Variants in ATRX observed in about 807,000 individuals in gnomAD.
The protein encoded by ATRX is ATRX chromatin remodeler.
Under a neutral mutation model 172.6 loss-of-function variants are expected in ATRX, and 12 were observed. The observed-to-expected ratio is 0.07, with a 90% CI of 0.04 to 0.11. The LOEUF is 0.11. Ranked by LOEUF, ATRX falls within the 10% of genes least tolerant of loss-of-function variation. The pLI, the probability that ATRX is intolerant of heterozygous loss-of-function variation, is 1.00. For synonymous variants in ATRX, 674 were observed against 594.7 expected (o/e 1.13, Z -1.94); for missense variants, 1,368 against 1,767.4 (o/e 0.77, Z 4.05).
chrX:77,684,651 T>C, intron 8 of ATRX, 58 bp from the exon 9 acceptor site: 2 of 1,093,626 alleles, frequency 1.8e-6, no homozygotes, highest in African/African-American at 1.8e-5. Flanking sequence ...TGAAAAGATA[T>C]GTAAAAAAAT....
chrX:77,578,047 G>A (rs781913455), intron 27 of ATRX, among the ~76,000 whole-genome samples: 2 of 111,630 alleles, frequency 1.8e-5, no homozygotes, highest in South Asian at 3.8e-4. Context: ...GGGAAGGAGA[G>A]TGCAGTGATC....
chrX:77,526,188 G>A (rs1206161025), intron 30 of ATRX, among the ~76,000 whole-genome samples: 2 of 111,599 alleles, frequency 1.8e-5, no homozygotes, highest in Non-Finnish European at 3.8e-5. Flanking sequence ...CACAAAGAAT[G>A]TCTGTTTTAT....
intron 27 of ATRX, among the ~76,000 whole-genome samples, chrX:77,583,215 A>G (rs2065889170): frequency 9.0e-6 from 1 of 111,720 alleles, no homozygotes; most frequent in Admixed American, 9.5e-5. Context: ...TCATATCAAC[A>G]GCATGAAAGA....
intron 27 of ATRX, among the ~76,000 whole-genome samples, chrX:77,582,006 A>C (rs1557074232): frequency 8.9e-6 from 1 of 112,323 alleles, no homozygotes; most frequent in African/African-American, 3.2e-5. Context: ...ATACCAAAAA[A>C]CATAAGACAC....
At chrX:77,779,845 G>A (rs1272225894) in intron 1 of ATRX, among the ~76,000 whole-genome samples, 5 of 112,012 alleles carry the variant, frequency 4.5e-5, no homozygotes, top group African/African-American at 1.6e-4. Flanking sequence ...GTTAACAAGA[G>A]TGCTGGACTA....
intron 15 of ATRX, among the ~76,000 whole-genome samples, chrX:77,644,347 G>A (rs142037698): frequency 0.016 from 1,760 of 112,133 alleles, 29 homozygotes; most frequent in African/African-American, 0.054. Context: ...ATAATGTGGG[G>A]GAGTCTTAAA....
In ATRX at chrX:77,717,163, G is replaced by C; in HGVS notation, c.101C>G (p.Ser34Cys). Residue 34 changes from serine (S) to cysteine (C), a missense_variant, in exon 2 of 35, where the codon TCT (serine) becomes TGT (cysteine). Ser to Cys is a moderately radical substitution (Grantham distance 112, BLOSUM62 -1). Around this residue, in one of 17 missense-constraint regions of ATRX, gnomAD observed 84 missense variants for 82.8 expected, o/e 1.01. Transcript: ENST00000373344. ...HSSEESEETS[S>C]PPRLAMNQNT... ...TTGATTCATTGCAAGTCGTGGAGGAGAACTTGTTTCTTCAGATTCTTCTGA... is the reference window on the plus strand; with the variant it reads ...TTGATTCATTGCAAGTCGTGGAGGACAACTTGTTTCTTCAGATTCTTCTGA... 8.3e-7 allele frequency: 1 copy of C among 1,209,898 alleles called. No homozygotes were observed.
intron 1 of ATRX, among the ~76,000 whole-genome samples, chrX:77,718,241 T>C (rs910153047): frequency 2.7e-5 from 3 of 109,382 alleles, no homozygotes; most frequent in African/African-American, 6.6e-5. Context: ...TATTATTCCA[T>C]CCTCTGCTTG....
At chrX:77,621,110 G>A (rs1422308962) in intron 19 of ATRX, among the ~76,000 whole-genome samples, 3 of 111,235 alleles carry the variant, frequency 2.7e-5, no homozygotes, top group African/African-American at 3.3e-5. Flanking sequence ...GGAGGGTAGG[G>A]AGAACAGCTT....
chrX:77,623,112 A>T (rs182289947), intron 19 of ATRX, among the ~76,000 whole-genome samples: 1 of 111,767 alleles, frequency 8.9e-6, no homozygotes, highest in African/African-American at 3.2e-5. Context: ...AGATAAATGA[A>T]ACAATAAGCT....
rs894428952 is a variant in ATRX, at chrX:77,729,887, A to C, written c.21-12644T>G. Among the ~76,000 whole-genome samples, 5 of 111,934 alleles carry C rather than the reference A, an allele frequency of 4.5e-5. No individual in the cohort carries two copies. The East Asian group carries it at 1.4e-3, about 31-fold the overall frequency. Reference sequence around the variant, plus strand: ...GGGAGGCAGAGGCTGCAGTGAGCCAAGATCACGTCACCGCACTCCAGCCTG... The same window carrying C: ...GGGAGGCAGAGGCTGCAGTGAGCCACGATCACGTCACCGCACTCCAGCCTG... On this transcript the variant is annotated intron_variant, in intron 1 of 34. Transcript: ENST00000373344.
chrX:77,553,319 T>C (rs781887435), intron 30 of ATRX, among the ~76,000 whole-genome samples: 1 of 111,767 alleles, frequency 8.9e-6, no homozygotes, highest in African/African-American at 3.2e-5. Context: ...AGGCCTGTAT[T>C]ACCTCTCCCA....
intron 34 of ATRX, among the ~76,000 whole-genome samples, chrX:77,520,038 G>A (rs1329324237): frequency 8.9e-6 from 1 of 112,111 alleles, no homozygotes; most frequent in Non-Finnish European, 1.9e-5. Flanking sequence ...ATTATGTTAA[G>A]TGAAATAAGC....
At chrX:77,657,525 C>A (rs1377998760) in intron 12 of ATRX, among the ~76,000 whole-genome samples, 1 of 111,183 alleles carries the variant, frequency 9.0e-6, no homozygotes, top group Non-Finnish European at 1.9e-5. Context: ...CTCCCAACAA[C>A]CAAAGCTAGA....
intron 7 of ATRX, among the ~76,000 whole-genome samples, chrX:77,687,233 A>C (rs1277781571): frequency 9.1e-6 from 1 of 110,353 alleles, no homozygotes; most frequent in African/African-American, 3.3e-5. Context: ...CTAGCTACTA[A>C]AGCTCTACAT....
intron 1 of ATRX, among the ~76,000 whole-genome samples, chrX:77,726,122 G>C (rs1194945829): frequency 9.0e-6 from 1 of 111,156 alleles, no homozygotes; most frequent in Non-Finnish European, 1.9e-5. Flanking sequence ...CCCATTACTG[G>C]GTATATACCC....
chrX:77,583,130 C>G (rs781980841), intron 27 of ATRX, among the ~76,000 whole-genome samples: 1 of 111,693 alleles, frequency 9.0e-6, no homozygotes, highest in South Asian at 3.8e-4. Flanking sequence ...ATAAAATGAT[C>G]ATCCATCATG....
intron 1 of ATRX, among the ~76,000 whole-genome samples, chrX:77,756,867 C>A (rs1439373242): frequency 9.1e-6 from 1 of 109,969 alleles, no homozygotes; most frequent in Admixed American, 9.8e-5. Context: ...CTCACTGCAA[C>A]CACTGCCTCC....
At chrX:77,590,009 A>G in intron 26 of ATRX, 69 bp from the exon 27 acceptor site, 1 of 908,885 alleles carries the variant, frequency 1.1e-6, no homozygotes, top group Non-Finnish European at 1.6e-6. Flanking sequence ...TCCTAAATCG[A>G]TCTACAAATT....
Sources: gnomAD v4.1 joint callset for allele counts (sites outside exome capture counted in the v4.1 genomes callset) on GRCh38, gnomAD v4.1.1 for gene constraint, gnomAD v4.1.1 regional missense constraint, MANE v1.5 for transcripts, NCBI Gene and HGNC (gene_info 2026-07-23, HGNC 2026-07-21) for gene names.